The following PCDHA11 variants were observed in gnomAD, a reference collection of about 807,000 sequenced individuals.
The protein encoded by PCDHA11 is protocadherin alpha-11.
In PCDHA11, 61 loss-of-function variants were observed where a neutral mutation model predicts 70.3. The ratio of observed to expected loss-of-function variants is 0.87; its 90% CI spans 0.71 to 1.07. PCDHA11 has a LOEUF of 1.07. Among genes scored for constraint, PCDHA11 ranks in the 50% least tolerant of loss-of-function variants. PCDHA11 has a pLI of 0.00. For synonymous variants in PCDHA11, 633 were observed against 555.1 expected, an observed-to-expected ratio of 1.14 and a Z score of -1.97; for missense variants, 1,324 against 1,237.5, an observed-to-expected ratio of 1.07 and a Z score of -1.05.
chr5:140,964,168 G>A (rs928554352), intron 1 of PCDHA11, among the ~76,000 whole-genome samples: 1 of 152,166 alleles, frequency 6.6e-6, no homozygotes, highest in Non-Finnish European at 1.5e-5. Flanking sequence ...TGTGAGGAAC[G>A]AAATCATTAT....
chr5:141,007,478 G>A (rs1041976706), intron 3 of PCDHA11, among the ~76,000 whole-genome samples: 5 of 151,620 alleles, frequency 3.3e-5, no homozygotes, highest in Admixed American at 6.6e-5. Context: ...TGAGGCACGA[G>A]AATTACTTGG....
At chr5:140,954,007 C>T (rs1277033706) in intron 1 of PCDHA11, among the ~76,000 whole-genome samples, 4 of 152,144 alleles carry the variant, frequency 2.6e-5, no homozygotes, top group Non-Finnish European at 4.4e-5. Flanking sequence ...CATCATTCAG[C>T]TCCCACACAT....
chr5:140,982,662 T>C (rs1325546785), intron 3 of PCDHA11, 99 bp downstream of exon 3: 4 of 1,476,284 alleles, frequency 2.7e-6, no homozygotes, highest in Admixed American at 2.6e-5. Context: ...CTTTTTCTTT[T>C]ATATTTTTGT....
At chr5:140,915,995 C>T (rs1256886751) in intron 1 of PCDHA11, among the ~76,000 whole-genome samples, 4 of 152,180 alleles carry the variant, frequency 2.6e-5, no homozygotes, top group African/African-American at 4.8e-5. Context: ...TAAGCTGGCA[C>T]TCAAACCACA....
intron 1 of PCDHA11, chr5:140,875,958 C>T (rs1312300687): frequency 1.2e-6 from 2 of 1,613,962 alleles, no homozygotes; most frequent in Admixed American, 3.3e-5. Context: ...ATGCGGATAT[C>T]GGCGTAAACT....
intron 1 of PCDHA11, chr5:140,883,864 G>A: frequency 6.2e-7 from 1 of 1,613,210 alleles, no homozygotes; most frequent in East Asian, 2.2e-5. Flanking sequence ...AGCTGTTGCA[G>A]TTCCAGGTGA....
intron 1 of PCDHA11, among the ~76,000 whole-genome samples, chr5:140,972,667 T>G (rs1442293512): frequency 1.3e-5 from 2 of 149,086 alleles, no homozygotes; most frequent in East Asian, 3.9e-4. Context: ...CAAATTTTTT[T>G]TTTTTTTTTT....
At chr5:140,873,449 T>G (rs565390619) in intron 1 of PCDHA11, among the ~76,000 whole-genome samples, 1 of 152,310 alleles carries the variant, frequency 6.6e-6, no homozygotes, top group Non-Finnish European at 1.5e-5. Flanking sequence ...AATAACAAAT[T>G]TGCATTTTAG....
intron 1 of PCDHA11, among the ~76,000 whole-genome samples, chr5:140,966,009 G>A (rs2153745631): frequency 6.6e-6 from 1 of 152,278 alleles, no homozygotes; most frequent in South Asian, 2.1e-4. Flanking sequence ...AGTGTCCAGG[G>A]AAGATGTGGG....
intron 1 of PCDHA11, among the ~76,000 whole-genome samples, chr5:140,976,370 G>A (rs1392898202): frequency 6.6e-6 from 1 of 152,018 alleles, no homozygotes; most frequent in Non-Finnish European, 1.5e-5. Context: ...GGCCAACATG[G>A]TGAAACCCCA....
At chr5:140,882,415 T>G (rs782393404) in intron 1 of PCDHA11, 23 of 1,614,072 alleles carry the variant, frequency 1.4e-5, no homozygotes, top group African/African-American at 2.7e-5. Flanking sequence ...GCCGCATCGC[T>G]CAGGACCTGG....
chr5:140,941,438 C>T (rs1408570275), intron 1 of PCDHA11, among the ~76,000 whole-genome samples: 4 of 150,764 alleles, frequency 2.7e-5, no homozygotes, highest in African/African-American at 7.3e-5. Context: ...GCCTCAGCCT[C>T]GGGAGTAGCT....
intron 1 of PCDHA11, among the ~76,000 whole-genome samples, chr5:140,901,931 C>G (rs2068990642): frequency 6.6e-6 from 1 of 151,430 alleles, no homozygotes; most frequent in Non-Finnish European, 1.5e-5. Context: ...TGGTTAATTC[C>G]TAGGTATATT....
At chr5:140,995,682 T>A (rs566340825) in intron 3 of PCDHA11, among the ~76,000 whole-genome samples, 28 of 152,312 alleles carry the variant, frequency 1.8e-4, no homozygotes, top group East Asian at 9.6e-4. Context: ...GCATTTTTTT[T>A]AATTGTTAAA....
At chr5:140,875,336 G>C in intron 1 of PCDHA11, 1 of 1,438,564 alleles carries the variant, frequency 7.0e-7, no homozygotes, top group Non-Finnish European at 9.1e-7. Flanking sequence ...GAATAGGATC[G>C]ACTCCATAAT....
chr5:140,941,202 C>CTTT (rs1554213921), intron 1 of PCDHA11, among the ~76,000 whole-genome samples: 9,869 of 122,696 alleles, frequency 0.08, 560 homozygotes, highest in East Asian at 0.13. Flanking sequence ...TTTCTTTCTT[C>CTTT]CTTTCTTTCT....
At chr5:140,925,382 C>A (rs2082461008) in intron 1 of PCDHA11, among the ~76,000 whole-genome samples, 1 of 152,078 alleles carries the variant, frequency 6.6e-6, no homozygotes, top group Non-Finnish European at 1.5e-5. Flanking sequence ...GTCAATGAGT[C>A]TCCTTTTGGC....
chr5:140,876,789 T>C (rs782509311), intron 1 of PCDHA11: 97 of 1,614,054 alleles, frequency 6.0e-5, no homozygotes, highest in Non-Finnish European at 7.5e-5. Context: ...GGGCCACGGC[T>C]AGAGTGTCCG....
At chr5:140,949,932 TA>T (rs1438940739) in intron 1 of PCDHA11, among the ~76,000 whole-genome samples, 2 of 151,648 alleles carry the variant, frequency 1.3e-5, no homozygotes, top group African/African-American at 2.4e-5. Context: ...AGATTTTTTT[TA>T]ATTTGCATTT....
Sources: allele counts gnomAD v4.1 joint callset (sites outside exome capture counted in the v4.1 genomes callset), GRCh38; gene constraint gnomAD v4.1.1; transcripts MANE v1.5; gene names NCBI Gene and HGNC (gene_info 2026-07-23, HGNC 2026-07-21).